Variants in SCAPER observed in about 807,000 individuals in gnomAD.
SCAPER encodes S phase cyclin A-associated protein in the endoplasmic reticulum.
SCAPER carries 98 observed loss-of-function variants against 182.2 expected under a neutral mutation model. The observed-to-expected ratio is 0.54, with a 90% CI of 0.46 to 0.64. The LOEUF (loss-of-function observed/expected upper bound fraction) is 0.64. Among genes scored for constraint, SCAPER ranks in the 30% least tolerant of loss-of-function variants. The pLI is 0.00. For synonymous variants in SCAPER, 605 were observed against 564.6 expected (o/e 1.07, Z -1.01); for missense variants, 1,432 against 1,690.0 (o/e 0.85, Z 2.68).
At chr15:76,358,984 A>AT (rs989266100) in intron 29 of SCAPER, among the ~76,000 whole-genome samples, 3 of 152,200 alleles carry the variant, frequency 2.0e-5, no homozygotes, top group Non-Finnish European at 4.4e-5. Flanking sequence ...CACTTAACTA[A>AT]TTTGAGCCTT....
intron 14 of SCAPER, among the ~76,000 whole-genome samples, chr15:76,756,730 G>A (rs2062458764): frequency 6.6e-6 from 1 of 152,198 alleles, no homozygotes; most frequent in Non-Finnish European, 1.5e-5. Context: ...AAGAGTGACT[G>A]TATATTAAAC....
chr15:76,698,318 C>T (rs2058757259), intron 20 of SCAPER, among the ~76,000 whole-genome samples: 1 of 152,138 alleles, frequency 6.6e-6, no homozygotes. Flanking sequence ...ACTCAATGGA[C>T]ATTTATAAAT....
intron 6 of SCAPER, among the ~76,000 whole-genome samples, chr15:76,801,639 G>C (rs1310925482): frequency 6.6e-6 from 1 of 152,158 alleles, no homozygotes; most frequent in Admixed American, 6.5e-5. Context: ...GGATGCCTCA[G>C]CCAGGCATGG....
chr15:76,580,737 T>C (rs1318982368), intron 22 of SCAPER, among the ~76,000 whole-genome samples: 2 of 151,984 alleles, frequency 1.3e-5, no homozygotes, highest in African/African-American at 2.4e-5. Context: ...AAAAAACCTA[T>C]AGCTACATCT....
At chr15:76,552,262 G>C (rs1043122218) in intron 23 of SCAPER, among the ~76,000 whole-genome samples, 1 of 152,118 alleles carries the variant, frequency 6.6e-6, no homozygotes, top group Non-Finnish European at 1.5e-5. Flanking sequence ...ACCTGGGCAA[G>C]AGAATGAGAC....
intron 22 of SCAPER, among the ~76,000 whole-genome samples, chr15:76,595,602 A>G (rs2145725834): frequency 8.2e-6 from 1 of 122,468 alleles, no homozygotes; most frequent in East Asian, 2.2e-4. Context: ...AACAGAAATC[A>G]TAACAAACAG....
chr15:76,640,496 G>A (rs1192327825), intron 21 of SCAPER, among the ~76,000 whole-genome samples: 4 of 152,206 alleles, frequency 2.6e-5, no homozygotes, highest in Non-Finnish European at 2.9e-5. Flanking sequence ...ACCTGGTGCT[G>A]AAGTTTTAGA....
intron 26 of SCAPER, among the ~76,000 whole-genome samples, chr15:76,428,303 C>A (rs1299567944): frequency 6.6e-6 from 1 of 152,156 alleles, no homozygotes; most frequent in Non-Finnish European, 1.5e-5. Context: ...TATCTACACT[C>A]CCATGTTTAT....
intron 10 of SCAPER, among the ~76,000 whole-genome samples, chr15:76,770,934 A>C (rs927907869): frequency 2.0e-5 from 3 of 152,208 alleles, no homozygotes; most frequent in Non-Finnish European, 4.4e-5. Flanking sequence ...TTTTACCCTT[A>C]AACAACCAAT....
At chr15:76,685,885 G>A (rs552074134) in intron 20 of SCAPER, among the ~76,000 whole-genome samples, 14 of 152,144 alleles carry the variant, frequency 9.2e-5, no homozygotes, top group African/African-American at 3.1e-4. Context: ...ACATGAGATG[G>A]TGAAAGAAGA....
intron 15 of SCAPER, among the ~76,000 whole-genome samples, chr15:76,735,049 A>G (rs2061162028): frequency 6.6e-6 from 1 of 152,162 alleles, no homozygotes; most frequent in South Asian, 2.1e-4. Flanking sequence ...AAGTCAGATT[A>G]AACAACTCAA....
chr15:76,604,574 T>C (rs913170022), intron 22 of SCAPER, among the ~76,000 whole-genome samples: 6 of 68,538 alleles, frequency 8.8e-5, no homozygotes, highest in South Asian at 4.2e-4. Flanking sequence ...AAGTCATTGG[T>C]AGCTTGATGG....
intron 26 of SCAPER, among the ~76,000 whole-genome samples, chr15:76,428,940 G>A (rs963469245): frequency 1.3e-4 from 18 of 140,638 alleles, no homozygotes; most frequent in African/African-American, 4.8e-4. Context: ...CTGATATGGT[G>A]TAGCAGCGTC....
At chr15:76,518,747 A>G (rs746022908) in intron 23 of SCAPER, among the ~76,000 whole-genome samples, 6 of 152,244 alleles carry the variant, frequency 3.9e-5, no homozygotes, top group Non-Finnish European at 7.3e-5. Context: ...GGGGACTTCA[A>G]GGTACCCACA....
At chr15:76,738,476 T>G (rs1466100271) in intron 15 of SCAPER, among the ~76,000 whole-genome samples, 1 of 150,818 alleles carries the variant, frequency 6.6e-6, no homozygotes, top group African/African-American at 2.4e-5. Context: ...AGGCGAAGCT[T>G]GCAGTGAGCC....
intron 25 of SCAPER, among the ~76,000 whole-genome samples, chr15:76,445,163 C>T (rs538457652): frequency 6.6e-5 from 10 of 152,258 alleles, no homozygotes; most frequent in African/African-American, 2.4e-4. Flanking sequence ...TTCATTATAC[C>T]ACTCTGTATG....
intron 2 of SCAPER, among the ~76,000 whole-genome samples, chr15:76,868,251 G>C (rs1369836169): frequency 2.6e-5 from 4 of 152,164 alleles, no homozygotes; most frequent in Non-Finnish European, 5.9e-5. Context: ...AAGACAGCCA[G>C]GTGTGGTGGC....
In SCAPER at chr15:76,702,887, T is replaced by C. The variant is rs1395264650; in HGVS notation, c.2363A>G (p.Tyr788Cys). 6.2e-7 allele frequency: 1 copy of C among 1,609,142 alleles called. No individual in the cohort carries two copies. Among genetic ancestry groups the C allele is most frequent in the Admixed American group, 1.7e-5 (1 of 58,716 alleles). Residue 788 changes from tyrosine to cysteine, a missense_variant, in exon 19 of 32, where the codon TAT becomes TGT. This residue lies in a region of SCAPER where 718 missense variants were observed against 799.7 expected (regional missense o/e 0.90). Transcript: ENST00000563290. Reference protein sequence around the residue: ...NTDYAPKLTPYERKKQCSLCN... With the variant: ...NTDYAPKLTPCERKKQCSLCN... Reference sequence around the variant, plus strand: ...GAGAGAACACTGCTTCTTTCTTTCATAAGGGGTCAGTTTGGGGGCATAATC... The same window carrying C: ...GAGAGAACACTGCTTCTTTCTTTCACAAGGGGTCAGTTTGGGGGCATAATC...
In SCAPER at chr15:76,494,867, A is replaced by C. The variant is rs538977165; in HGVS notation, c.2954+9992T>G. Among the ~76,000 whole-genome samples the C allele has an allele frequency of 2.0e-5, 3 of 152,316 alleles. No individual in the cohort carries two copies. The East Asian group carries it at 5.8e-4, about 29-fold the overall frequency. ...TTCAACAAATACTGGCAGACTGATA[A>C]TATTTCTCTCTGATGATAGCATGCA... On this transcript the variant is annotated intron_variant, in intron 24 of 31. Coordinates refer to ENST00000563290, the MANE Select transcript of SCAPER (RefSeq NM_020843.4).
Sources: gnomAD v4.1 joint callset for allele counts (sites outside exome capture counted in the v4.1 genomes callset) on GRCh38, gnomAD v4.1.1 for gene constraint, gnomAD v4.1.1 regional missense constraint, MANE v1.5 for transcripts, NCBI Gene and HGNC (gene_info 2026-07-23, HGNC 2026-07-21) for gene names.